YWHAQ: variants seen among roughly 807,000 people sequenced by gnomAD.
YWHAQ encodes the protein 14-3-3 protein theta.
A neutral mutation model predicts 28.3 loss-of-function variants in YWHAQ; 6 were observed. That is an observed-to-expected ratio of 0.21 (90% confidence interval 0.12 to 0.42). The LOEUF (loss-of-function observed/expected upper bound fraction) is 0.42, where lower values mean the gene tolerates loss of function less well. Ranked by LOEUF, YWHAQ falls within the 10% of genes least tolerant of loss-of-function variation. YWHAQ has a pLI of 1.00. For synonymous variants in YWHAQ, 143 were observed against 119.1 expected (o/e 1.20, Z -1.31); for missense variants, 201 against 305.6 (o/e 0.66, Z 2.55).
rs16867065 is a variant in YWHAQ, at chr2:9,592,884, T to G, written c.295-1369A>C. 9.6e-3 allele frequency among the ~76,000 whole-genome samples: 1,465 copies of G among 152,298 alleles called. 11 individuals are homozygous for G. The highest frequency in any genetic ancestry group is 0.027 in the African/African-American group (1,104 of 41,552). Reference sequence around the variant, plus strand: ...CAAAGCCTGGAATAGTGTCACATGTTAAGTACTCAGTAAATGTTAGCTAGT... The same window carrying G: ...CAAAGCCTGGAATAGTGTCACATGTGAAGTACTCAGTAAATGTTAGCTAGT... On this transcript the variant is annotated intron_variant, in intron 2 of 5. Coordinates refer to ENST00000238081, the MANE Select transcript of YWHAQ (RefSeq NM_006826.4).
chr2:9,629,377 G>A lies in YWHAQ; in HGVS notation c.294+782C>T, dbSNP rs191050236. ...TCCATGGAATGACAAAGCTAAAAAT[G>A]TTCTCTCTCACTAATAAGGGTGAAT... On this transcript the variant is annotated intron_variant, in intron 2 of 5. Coordinates refer to ENST00000238081, the MANE Select transcript of YWHAQ (RefSeq NM_006826.4). Among the ~76,000 whole-genome samples the A allele has an allele frequency of 1.1e-4, 16 of 152,246 alleles. No individual in the cohort carries two copies. The East Asian group carries it at 3.1e-3, about 29-fold the overall frequency.
chr2:9,585,434 G>A, intron 5 of YWHAQ, 89 bp from the exon 6 acceptor site: 2 of 1,424,160 alleles, frequency 1.4e-6, no homozygotes, highest in Non-Finnish European at 2.0e-6. Flanking sequence ...AACTACAAGA[G>A]TAGTAAATTC....
chr2:9,615,072 A>C (rs1667018288), intron 2 of YWHAQ, among the ~76,000 whole-genome samples: 1 of 152,194 alleles, frequency 6.6e-6, no homozygotes. Context: ...CCTTATTCTT[A>C]TGTCCTTACA....
chr2:9,630,086 T>C lies in YWHAQ; in HGVS notation c.294+73A>G. On this transcript the variant is annotated intron_variant, in intron 2 of 5. Coordinates refer to ENST00000238081, the MANE Select transcript of YWHAQ (RefSeq NM_006826.4). This position sits in a 1 kb window ranked among gnomAD's most constrained non-coding sequence, Gnocchi z 5.6. ...CGGCAAGCCCCGGCTCACGTTTGTT[T>C]CCGTGCCCGCGAAACTCTCAATGAA... The C allele has an allele frequency of 6.5e-7, 1 of 1,550,042 alleles. No homozygotes were observed. Among genetic ancestry groups the C allele is most frequent in the Non-Finnish European group, 8.7e-7 (1 of 1,144,776 alleles).
chr2:9,617,159 T>G (rs554857263), intron 2 of YWHAQ, among the ~76,000 whole-genome samples: 2 of 151,686 alleles, frequency 1.3e-5, no homozygotes, highest in Admixed American at 1.3e-4. Context: ...AGACGGGGTT[T>G]CACCATGTTA....
chr2:9,594,696 T>C (rs1023267761), intron 2 of YWHAQ, among the ~76,000 whole-genome samples: 6 of 152,176 alleles, frequency 3.9e-5, no homozygotes, highest in Non-Finnish European at 7.3e-5. Context: ...AGATATTATT[T>C]ATGGTCACAA....
intron 2 of YWHAQ, among the ~76,000 whole-genome samples, chr2:9,592,269 A>T (rs887157011): frequency 2.6e-5 from 4 of 152,194 alleles, no homozygotes; most frequent in Non-Finnish European, 4.4e-5. Flanking sequence ...TTATTTTTTT[A>T]AAAAAGTTCT....
chr2:9,628,366 C>T (rs1353766656), intron 2 of YWHAQ, among the ~76,000 whole-genome samples: 1 of 152,212 alleles, frequency 6.6e-6, no homozygotes, highest in Non-Finnish European at 1.5e-5. Context: ...CACCTGGTCT[C>T]TCTCTCAAGC....
rs1354234302 is a variant in YWHAQ at position 9,602,844 on chromosome 2, AAAAAAAAAAAAAAAAAAAATATATAT to A, written c.295-11355_295-11330del. ...ATGCCTAATTTAAAAAAAAAAAAAA[AAAAAAAAAAAAAAAAAAAATATATAT>A]ATATATATATATATATATATATATA... On this transcript the variant is annotated intron_variant, in intron 2 of 5. Transcript: ENST00000238081. Among the ~76,000 whole-genome samples, 93 of 39,440 alleles carry A rather than the reference AAAAAAAAAAAAAAAAAAAATATATAT, an allele frequency of 2.4e-3. 1 individual carries two copies. The highest frequency in any genetic ancestry group is 4.0e-3 in the Admixed American group (11 of 2,782). The allele number at this position is 39,440 out of a possible 152,430, so 25.9% of individuals were successfully genotyped here. A position where few individuals can be genotyped will look rare whatever the true frequency, so the allele number is the denominator to read the frequency against.
chr2:9,585,280 A>C lies in YWHAQ; in HGVS notation c.*6T>G, dbSNP rs1666319824. On this transcript the variant is annotated 3_prime_UTR_variant, in exon 6 of 6. Transcript: ENST00000238081. ...GAAGGAAAGAAGGATGACACCCTGT[A>C]TGGATTTAGTTTTCAGCCCCTTCTG... 1 of 1,613,974 alleles carries C rather than the reference A, an allele frequency of 6.2e-7. No individual in the cohort carries two copies. The highest frequency in any genetic ancestry group is 1.3e-5 in the African/African-American group (1 of 74,934).
In YWHAQ at chr2:9,630,317, C is replaced by G; in HGVS notation, c.136G>C (p.Val46Leu). The change falls in exon 2 of 6, where the codon GTG (valine) becomes CTG (leucine). Residue 46 changes from valine (V) to leucine (L), a missense_variant. Transcript: ENST00000238081. The surrounding 1 kb of genome is among the most constrained non-coding windows in gnomAD (Gnocchi z 5.6). Reference protein sequence around the residue: ...LSNEERNLLSVAYKNVVGGRR... With the variant: ...LSNEERNLLSLAYKNVVGGRR... Reference sequence around the variant, plus strand: ...CCCCCGACCACGTTCTTGTAGGCCACGGAGAGCAGGTTGCGCTCCTCGTTG... The same window carrying G: ...CCCCCGACCACGTTCTTGTAGGCCAGGGAGAGCAGGTTGCGCTCCTCGTTG... 6.2e-7 allele frequency: 1 copy of G among 1,614,168 alleles called. No individual in the cohort carries two copies. Among genetic ancestry groups the G allele is most frequent in the Non-Finnish European group, 8.5e-7 (1 of 1,180,042 alleles).
chr2:9,596,156 A>G (rs960555918), intron 2 of YWHAQ, among the ~76,000 whole-genome samples: 1 of 152,190 alleles, frequency 6.6e-6, no homozygotes, highest in African/African-American at 2.4e-5. Flanking sequence ...ATAAGAAATG[A>G]AACTGTTGAG....
At chr2:9,602,846 AAAAAAAAAAAAAAAAAATATATATATAT>A (rs1399934379) in intron 2 of YWHAQ, among the ~76,000 whole-genome samples, 116 of 41,708 alleles carry the variant, frequency 2.8e-3, no homozygotes, top group South Asian at 3.8e-3. Flanking sequence ...AAAAAAAAAA[AAAAAAAAAAAAAAAAAATATATATATAT>A]ATATATATAT....
intron 2 of YWHAQ, among the ~76,000 whole-genome samples, chr2:9,596,598 A>G (rs1666574840): frequency 6.6e-6 from 1 of 152,202 alleles, no homozygotes; most frequent in South Asian, 2.1e-4. Context: ...TAACTTTAGG[A>G]TACACATATC....
chr2:9,587,157 C>G (rs1288519564), intron 5 of YWHAQ, among the ~76,000 whole-genome samples: 1 of 152,176 alleles, frequency 6.6e-6, no homozygotes, highest in African/African-American at 2.4e-5. Flanking sequence ...CATAATTTAT[C>G]AACATCTTCA....
intron 2 of YWHAQ, among the ~76,000 whole-genome samples, chr2:9,597,026 T>C (rs1373476701): frequency 1.3e-5 from 2 of 152,228 alleles, no homozygotes; most frequent in Non-Finnish European, 1.5e-5. Context: ...AGAAATTAGA[T>C]TGTAATTTGT....
intron 2 of YWHAQ, among the ~76,000 whole-genome samples, chr2:9,615,599 G>A (rs1003879311): frequency 3.9e-5 from 6 of 152,116 alleles, no homozygotes; most frequent in African/African-American, 1.4e-4. Flanking sequence ...ATTGAGTGAA[G>A]AAGCAGTAAT....
intron 2 of YWHAQ, among the ~76,000 whole-genome samples, chr2:9,605,866 G>A (rs1227897323): frequency 6.6e-6 from 1 of 151,904 alleles, no homozygotes; most frequent in Non-Finnish European, 1.5e-5. Context: ...CCAGCCTCTT[G>A]TACATTCTTT....
chr2:9,595,698 CAAAA>C lies in YWHAQ; in HGVS notation c.295-4187_295-4184del, dbSNP rs34902007. Among the ~76,000 whole-genome samples the C allele has an allele frequency of 3.0e-3, 226 of 75,448 alleles. 2 individuals carry two copies. Among genetic ancestry groups the C allele is most frequent in the African/African-American group, 9.9e-3 (219 of 22,200 alleles). 49.5% of individuals were successfully genotyped at this position (75,448 alleles called of 152,430 possible). The stretch of plus-strand genomic sequence containing the variant: ...GGGCAACAAGAGCAAAATTCCATCT[CAAAA>C]AAAAAAAAAAAAAAAAAGTCACCAG... On this transcript the variant is annotated intron_variant, in intron 2 of 5. Coordinates refer to ENST00000238081, the MANE Select transcript of YWHAQ (RefSeq NM_006826.4).
Sources: allele counts gnomAD v4.1 joint callset (sites outside exome capture counted in the v4.1 genomes callset), GRCh38; gene constraint gnomAD v4.1.1; non-coding constraint Gnocchi (gnomAD v3.1); transcripts MANE v1.5; gene names NCBI Gene and HGNC (gene_info 2026-07-23, HGNC 2026-07-21).